The following SDCBP2 variants were observed in gnomAD, a reference collection of about 807,000 sequenced individuals.
SDCBP2 encodes the protein syntenin-2.
Under a neutral mutation model 30.7 loss-of-function variants are expected in SDCBP2, and 28 were observed. The ratio of observed to expected loss-of-function variants is 0.91; its 90% CI spans 0.68 to 1.25. SDCBP2 has a LOEUF of 1.25. Among genes scored for constraint, SDCBP2 ranks in the 50% most tolerant of loss-of-function variants. The probability of loss-of-function intolerance (pLI) is 0.00; values close to 1 mark genes in which losing one functional copy is unlikely to be tolerated. For synonymous variants in SDCBP2, 166 were observed against 157.3 expected, an observed-to-expected ratio of 1.06 and a Z score of -0.41; for missense variants, 399 against 379.0, an observed-to-expected ratio of 1.05 and a Z score of -0.44.
At chr20:1,318,446 G>C (rs1392635343) in intron 3 of SDCBP2, 28 bp from the exon 4 acceptor site, 2 of 1,451,532 alleles carry the variant, frequency 1.4e-6, no homozygotes, top group Admixed American at 1.8e-5. Flanking sequence ...AAGAATAAAT[G>C]TGTCATTAGA....
intron 5 of SDCBP2, 143 bp from the exon 6 acceptor site, chr20:1,312,905 A>C: frequency 1.2e-6 from 1 of 855,002 alleles, no homozygotes; most frequent in Non-Finnish European, 1.8e-6. Context: ...CACCAAGGTT[A>C]CCCCATTTAC....
At position 1,313,549 on chromosome 20, in the gene SDCBP2, C is replaced by T; in HGVS notation, c.226-51G>A. 1 of 1,512,154 alleles carries T rather than the reference C, an allele frequency of 6.6e-7. No homozygotes were observed. The highest frequency in any genetic ancestry group is 8.8e-7 in the Non-Finnish European group (1 of 1,133,040). The allele number at this position is 1,512,154 out of a possible 1,614,324, so 93.7% of individuals were successfully genotyped here. On this transcript the variant is annotated intron_variant, in intron 4 of 8. Coordinates refer to ENST00000360779, the MANE Select transcript of SDCBP2 (RefSeq NM_080489.5). The surrounding 1 kb of genome is among the most constrained non-coding windows in gnomAD (Gnocchi z 5.2). ...CAGCCCGGCCCGTGGGGACCCTGTGCCTCAGGAGACACTGGGGTGGGGGTA... is the reference window on the plus strand; with the variant it reads ...CAGCCCGGCCCGTGGGGACCCTGTGTCTCAGGAGACACTGGGGTGGGGGTA...
chr20:1,318,841 A>G (rs62187512), intron 3 of SDCBP2, among the ~76,000 whole-genome samples: 46,556 of 152,038 alleles, frequency 0.31, 7,773 homozygotes, highest in Middle Eastern at 0.46. Context: ...TTAAGCAAGT[A>G]CACTGAGGAA....
intron 4 of SDCBP2, among the ~76,000 whole-genome samples, chr20:1,317,241 A>G (rs2088790679): frequency 6.6e-6 from 1 of 152,064 alleles, no homozygotes; most frequent in Non-Finnish European, 1.5e-5. Flanking sequence ...CTCGCGTAAG[A>G]CTCCTGGTTT....
chr20:1,319,413 C>T, intron 3 of SDCBP2, 177 bp downstream of exon 3: 2 of 665,006 alleles, frequency 3.0e-6, no homozygotes, highest in Non-Finnish European at 5.3e-6. Flanking sequence ...GGTGACTCAG[C>T]CCAGGTCACC....
At chr20:1,318,169 G>A (rs561821364) in intron 4 of SDCBP2, 149 bp downstream of exon 4, 10 of 686,170 alleles carry the variant, frequency 1.5e-5, no homozygotes, top group East Asian at 2.8e-5. Context: ...CAAAATGAAC[G>A]GTGCCATCAA....
At chr20:1,318,901 G>A (rs1054534048) in intron 3 of SDCBP2, among the ~76,000 whole-genome samples, 1 of 152,210 alleles carries the variant, frequency 6.6e-6, no homozygotes, top group African/African-American at 2.4e-5. Flanking sequence ...AGCCAGGAAG[G>A]GAGGCCTCAC....
intron 6 of SDCBP2, 30 bp downstream of exon 6, chr20:1,312,557 C>T (rs765373195): frequency 8.7e-6 from 14 of 1,613,382 alleles, no homozygotes; most frequent in Admixed American, 3.3e-5. Flanking sequence ...TGGGGTGAGA[C>T]GGAGAGGCTG....
chr20:1,317,992 A>C (rs2088802114), intron 4 of SDCBP2: 1 of 388,166 alleles, frequency 2.6e-6, no homozygotes, highest in Non-Finnish European at 5.0e-6. Context: ...CTGTTTATCC[A>C]TGCAGGCAGC....
chr20:1,326,608 C>T (rs1396438545), intron 1 of SDCBP2, among the ~76,000 whole-genome samples: 6 of 152,218 alleles, frequency 3.9e-5, no homozygotes, highest in African/African-American at 1.4e-4. Flanking sequence ...CCCACCTGTA[C>T]GCATGGAGAT....
chr20:1,310,912 C>T lies in SDCBP2; in HGVS notation c.733-21G>A, dbSNP rs78502123. 3.8e-3 allele frequency: 6,127 copies of T among 1,593,194 alleles called. 193 individuals are homozygous for T. In the African/African-American group the frequency reaches 0.072, roughly 19 times the overall value. On this transcript the variant is annotated intron_variant, in intron 7 of 8. Transcript: ENST00000360779. ...TTGTCCTAGGGAGGAGGCAAGTAAG[C>T]GATCACCCTAAGGATTGGGGACCAG...
chr20:1,312,376 G>T lies in SDCBP2; in HGVS notation c.693C>A (p.Tyr231Ter), dbSNP rs1026070624. 6.2e-7 allele frequency: 1 copy of T among 1,613,482 alleles called. No individual in the cohort carries two copies. Among genetic ancestry groups the T allele is most frequent in the Admixed American group, 1.7e-5 (1 of 59,920 alleles). The part of the protein sequence containing the change: ...AARNGLLTNH[Y>*]VCEVDGQNVI... Reference sequence around the variant, plus strand: ...CATTCTGCCCGTCCACCTCACACACGTAGTGGTTGGTGAGGAGCCCGTTGC... The same window carrying T: ...CATTCTGCCCGTCCACCTCACACACTTAGTGGTTGGTGAGGAGCCCGTTGC... The change falls in exon 7 of 9, where the codon TAC becomes TAA. Residue 231 changes from tyrosine (Y) to a stop codon, truncating the protein, a stop_gained. Transcript: ENST00000360779. LOFTEE classifies it high-confidence loss of function.
Position 1,320,461 on chromosome 20 carries a change from G to T in SDCBP2, c.-19-26C>A. 2 of 1,576,014 alleles carry T rather than the reference G, an allele frequency of 1.3e-6. No homozygotes were observed. Among genetic ancestry groups the T allele is most frequent in the African/African-American group, 1.3e-5 (1 of 74,158 alleles). On this transcript the variant is annotated intron_variant, in intron 1 of 8. Coordinates refer to ENST00000360779, the MANE Select transcript of SDCBP2 (RefSeq NM_080489.5). The surrounding 1 kb of genome is among the most constrained non-coding windows in gnomAD (Gnocchi z 4.7). ...CTGCAGAGTGCAGAGGGTGGGGAAG[G>T]ATAAGGATGCAGCTGATGCCCCCTT...
At chr20:1,312,818 C>T in intron 5 of SDCBP2, 56 bp from the exon 6 acceptor site, 1 of 1,512,708 alleles carries the variant, frequency 6.6e-7, no homozygotes, top group African/African-American at 1.4e-5. Context: ...GGCACAGATC[C>T]CTCTTCCAAC....
In SDCBP2 at chr20:1,312,349, AAC is replaced by A; in HGVS notation, c.718_719del (p.Val240TyrfsTer92). The A allele has an allele frequency of 6.2e-7, 1 of 1,613,190 alleles. No individual in the cohort carries two copies. The highest frequency in any genetic ancestry group is 8.5e-7 in the Non-Finnish European group (1 of 1,179,644). On this transcript the variant is annotated frameshift_variant, in exon 7 of 9. Transcript: ENST00000360779. LOFTEE classifies it high-confidence loss of function. ...GCCACCAGCCTACCTTCAGCCCGAT[AAC>A]ATTCTGCCCGTCCACCTCACACACG... ...HYVCEVDGQNVIGLKDKKIME... is the reference protein window; with the variant it reads ...HYVCEVDGQNXIGLKDKKIME...
chr20:1,318,287 C>T (rs370995021), intron 4 of SDCBP2, 31 bp downstream of exon 4: 44 of 1,460,728 alleles, frequency 3.0e-5, no homozygotes, highest in East Asian at 1.1e-4. Flanking sequence ...GGAGGTTCTG[C>T]GCCCGCAGCA....
intron 3 of SDCBP2, 47 bp downstream of exon 3, chr20:1,319,543 C>T: frequency 4.6e-6 from 7 of 1,536,534 alleles, no homozygotes; most frequent in Non-Finnish European, 6.2e-6. Flanking sequence ...TGATCTCTTC[C>T]CTGAAAGGAC....
rs1322912195 is a variant in SDCBP2, at chr20:1,313,331, G to A, written c.384+9C>T. 1 of 1,609,894 alleles carries A rather than the reference G, an allele frequency of 6.2e-7. No homozygotes were observed. Among genetic ancestry groups the A allele is most frequent in the Admixed American group, 1.7e-5 (1 of 59,910 alleles). ...GAGCTCCTCTTCCCACCCAGCCCCC[G>A]CGCCCTACCTGGTCGACCTTCCGCA... On this transcript the variant is annotated intron_variant, in intron 5 of 8. Coordinates refer to ENST00000360779, the MANE Select transcript of SDCBP2 (RefSeq NM_080489.5). The surrounding 1 kb of genome is among the most constrained non-coding windows in gnomAD (Gnocchi z 5.2).
chr20:1,320,513 G>T lies in SDCBP2; in HGVS notation c.-19-78C>A. The T allele has an allele frequency of 8.7e-7, 1 of 1,149,036 alleles. No homozygotes were observed. Among genetic ancestry groups the T allele is most frequent in the Non-Finnish European group, 1.3e-6 (1 of 786,446 alleles). The allele number at this position is 1,149,036 out of a possible 1,614,324, so 71.2% of individuals were successfully genotyped here. On this transcript the variant is annotated intron_variant, in intron 1 of 8. Transcript: ENST00000360779. The surrounding 1 kb of genome is among the most constrained non-coding windows in gnomAD (Gnocchi z 4.7). ...AAAGGAGGCACAGACATCCGCAACA[G>T]CAAGCGGGTTGGAACTTAATATTCA...
Sources: gnomAD v4.1 joint callset for allele counts (sites outside exome capture counted in the v4.1 genomes callset) on GRCh38, gnomAD v4.1.1 for gene constraint, Gnocchi (gnomAD v3.1) non-coding constraint, MANE v1.5 for transcripts, NCBI Gene and HGNC (gene_info 2026-07-23, HGNC 2026-07-21) for gene names.